Variants in TRIM9 observed in about 807,000 individuals in gnomAD.
The protein encoded by TRIM9 is E3 ubiquitin-protein ligase TRIM9.
TRIM9 carries 26 observed loss-of-function variants against 78.3 expected under a neutral mutation model. That is an observed-to-expected ratio of 0.33 (90% confidence interval 0.24 to 0.46). The LOEUF is 0.46. Ranked by LOEUF, TRIM9 falls within the 20% of genes least tolerant of loss-of-function variation. The pLI is 1.00. For synonymous variants in TRIM9, 398 were observed against 416.5 expected (o/e 0.96, Z 0.54); for missense variants, 787 against 1,036.4 (o/e 0.76, Z 3.30).
chr14:50,984,377 T>G (rs2052419477), intron 8 of TRIM9, among the ~76,000 whole-genome samples: 1 of 152,246 alleles, frequency 6.6e-6, no homozygotes, highest in Admixed American at 6.5e-5. Context: ...GACTAATGGC[T>G]GAGTTAAAAA....
intron 5 of TRIM9, among the ~76,000 whole-genome samples, chr14:51,008,197 T>A (rs1344251030): frequency 6.6e-6 from 1 of 152,096 alleles, no homozygotes; most frequent in East Asian, 1.9e-4. Flanking sequence ...AGATCTTCAT[T>A]CTGTATCCCG....
chr14:51,061,369 C>T (rs2061340750), intron 1 of TRIM9, among the ~76,000 whole-genome samples: 1 of 149,964 alleles, frequency 6.7e-6, no homozygotes, highest in African/African-American at 2.5e-5. Context: ...GCCGAGATCA[C>T]ACCATTGCAT....
At chr14:50,990,222 T>C (rs1270987992) in intron 7 of TRIM9, among the ~76,000 whole-genome samples, 1 of 152,154 alleles carries the variant, frequency 6.6e-6, no homozygotes, top group Non-Finnish European at 1.5e-5. Context: ...CTTTTTATGT[T>C]GCCCAGGCTG....
intron 8 of TRIM9, 78 bp downstream of exon 8, chr14:50,985,878 G>C: frequency 7.8e-7 from 1 of 1,279,974 alleles, no homozygotes; most frequent in Non-Finnish European, 1.0e-6. Flanking sequence ...CACATGAATG[G>C]CAAGAACAAG....
At chr14:51,088,503 T>C (rs897984647) in intron 1 of TRIM9, among the ~76,000 whole-genome samples, 10 of 152,158 alleles carry the variant, frequency 6.6e-5, no homozygotes, top group Non-Finnish European at 1.2e-4. Flanking sequence ...AATTGTGGAG[T>C]GCTCATACAT....
chr14:50,987,914 C>T lies in TRIM9; in HGVS notation c.1604-1770G>A, dbSNP rs933049106. Among the ~76,000 whole-genome samples the T allele has an allele frequency of 2.0e-5, 3 of 152,152 alleles. 1 individual carries two copies. The highest frequency in any genetic ancestry group is 4.1e-4 in the South Asian group (2 of 4,828). ...CTTCCTGGATCAAGTGATTCTTCAA[C>T]CTCAGCCTCCAGAGTAGCAGGGACT... On this transcript the variant is annotated intron_variant, in intron 7 of 12. Transcript: ENST00000684578.
chr14:51,066,125 G>T (rs564900418), intron 1 of TRIM9, among the ~76,000 whole-genome samples: 156 of 138,940 alleles, frequency 1.1e-3, no homozygotes, highest in Non-Finnish European at 1.9e-3. Flanking sequence ...GGGAGGGGAG[G>T]GGAGGGGGAG....
intron 12 of TRIM9, chr14:50,979,185 C>G: frequency 6.9e-7 from 1 of 1,443,406 alleles, no homozygotes; most frequent in Non-Finnish European, 9.1e-7. Flanking sequence ...AGTCTGCGTC[C>G]AAGTATAAAG....
At chr14:51,026,844 G>A (rs61985025) in intron 1 of TRIM9, among the ~76,000 whole-genome samples, 7,974 of 152,226 alleles carry the variant, frequency 0.052, 263 homozygotes, top group Non-Finnish European at 0.074. Flanking sequence ...AATGGAAAAG[G>A]TGGGAAGAAC....
chr14:51,058,871 A>G (rs1483580356), intron 1 of TRIM9, among the ~76,000 whole-genome samples: 1 of 152,252 alleles, frequency 6.6e-6, no homozygotes, highest in Non-Finnish European at 1.5e-5. Flanking sequence ...ATTCTTAAAC[A>G]TAGTGAGTTA....
chr14:51,078,169 T>C (rs1331767722), intron 1 of TRIM9, among the ~76,000 whole-genome samples: 1 of 152,106 alleles, frequency 6.6e-6, no homozygotes, highest in African/African-American at 2.4e-5. Context: ...AGGACGGAGC[T>C]CTAAACACAG....
intron 3 of TRIM9, among the ~76,000 whole-genome samples, chr14:51,017,112 A>G (rs1352003186): frequency 6.6e-6 from 1 of 152,232 alleles, no homozygotes; most frequent in African/African-American, 2.4e-5. Flanking sequence ...AGAGTAGAAC[A>G]TTATCTACCA....
At chr14:51,059,095 C>A (rs2061127950) in intron 1 of TRIM9, among the ~76,000 whole-genome samples, 1 of 152,210 alleles carries the variant, frequency 6.6e-6, no homozygotes, top group South Asian at 2.1e-4. Flanking sequence ...CCAATATCAG[C>A]ACGAGCTTCC....
At chr14:51,066,639 G>T (rs537628793) in intron 1 of TRIM9, among the ~76,000 whole-genome samples, 1 of 152,292 alleles carries the variant, frequency 6.6e-6, no homozygotes, top group African/African-American at 2.4e-5. Context: ...TTTTAGTCAC[G>T]ATTCTGGAAT....
intron 1 of TRIM9, among the ~76,000 whole-genome samples, chr14:51,055,552 G>A (rs140595354): frequency 5.4e-4 from 83 of 152,340 alleles, no homozygotes; most frequent in African/African-American, 1.9e-3. Flanking sequence ...ATGTGACTAC[G>A]GATGAATGGT....
At chr14:50,996,156 G>A in intron 7 of TRIM9, 2 of 984,950 alleles carry the variant, frequency 2.0e-6, no homozygotes, top group East Asian at 1.1e-4. Context: ...ATGATGATAG[G>A]CTTTTCTTTG....
Position 51,025,354 on chromosome 14 carries a change from G to T in TRIM9, c.829C>A (p.Leu277Ile). 1.2e-6 allele frequency: 2 copies of T among 1,614,076 alleles called. No homozygotes were observed. The highest frequency in any genetic ancestry group is 1.7e-6 in the Non-Finnish European group (2 of 1,179,992). Residue 277 changes from leucine to isoleucine, a missense_variant, in exon 2 of 13, where the codon CTC becomes ATC. By Grantham distance (5) the Leu-to-Ile change is conservative. This residue lies in a region of TRIM9 where 352 missense variants were observed against 472.3 expected (regional missense o/e 0.75). Coordinates refer to ENST00000684578, the MANE Select transcript of TRIM9 (RefSeq NM_001387360.1). Reference sequence around the variant, plus strand: ...GACAGTCCGTTCAGCGCCTGGGAGAGCTGGCTCTGCAAAGACAAAGAAGGA... The same window carrying T: ...GACAGTCCGTTCAGCGCCTGGGAGATCTGGCTCTGCAAAGACAAAGAAGGA... Reference protein sequence around the residue: ...GAMWKLHKSQLSQALNGLSDR... With the variant: ...GAMWKLHKSQISQALNGLSDR...
At chr14:51,017,684 T>A (rs1335840969) in intron 3 of TRIM9, among the ~76,000 whole-genome samples, 2 of 152,210 alleles carry the variant, frequency 1.3e-5, no homozygotes, top group African/African-American at 4.8e-5. Context: ...GATTACTCCA[T>A]CTCCTCAAAG....
At chr14:50,999,808 G>C (rs1311869565) in intron 6 of TRIM9, among the ~76,000 whole-genome samples, 1 of 152,192 alleles carries the variant, frequency 6.6e-6, no homozygotes, top group Non-Finnish European at 1.5e-5. Context: ...GGGTGGAGAG[G>C]ATGGAAAGTA....
Sources: gnomAD v4.1 joint callset for allele counts (sites outside exome capture counted in the v4.1 genomes callset) on GRCh38, gnomAD v4.1.1 for gene constraint, gnomAD v4.1.1 regional missense constraint, MANE v1.5 for transcripts, NCBI Gene and HGNC (gene_info 2026-07-23, HGNC 2026-07-21) for gene names.